SLC71A2: variants seen among roughly 807,000 people sequenced by gnomAD.
SLC71A2 encodes the protein hippocampus abundant transcript-like 1.
At chr9:94,383,887 C>A in the SLC71A2 span, among the ~76,000 whole-genome samples, 1 of 151,752 alleles carries the variant, frequency 6.6e-6, no homozygotes, top group Non-Finnish European at 1.5e-5. Context: ...TATTTCTTGA[C>A]GTTATTGTAA....
chr9:94,439,678 T>G, the SLC71A2 span, among the ~76,000 whole-genome samples: 1 of 152,170 alleles, frequency 6.6e-6, no homozygotes, highest in African/African-American at 2.4e-5. Context: ...AAGAATTTTT[T>G]GGTATTGAGT....
chr9:94,459,765 G>C, the SLC71A2 span: 1 of 212,758 alleles, frequency 4.7e-6, no homozygotes, highest in Non-Finnish European at 9.6e-6. Flanking sequence ...ATCTTTCCAT[G>C]CCCTTTTCAG....
At chr9:94,375,030 T>C in the SLC71A2 span, 1 of 727,568 alleles carries the variant, frequency 1.4e-6, no homozygotes, top group Non-Finnish European at 1.8e-6. Flanking sequence ...GCTTCGGCTC[T>C]TGGAAAGTCG....
chr9:94,450,390 G>T, the SLC71A2 span, among the ~76,000 whole-genome samples: 1 of 151,942 alleles, frequency 6.6e-6, no homozygotes, highest in Non-Finnish European at 1.5e-5. Flanking sequence ...TGTGTCCCTG[G>T]AAGCAAGACA....
the SLC71A2 span, among the ~76,000 whole-genome samples, chr9:94,445,404 C>T: frequency 6.6e-6 from 1 of 151,962 alleles, no homozygotes; most frequent in Admixed American, 6.6e-5. Context: ...GAGAAAATGT[C>T]TAGTTAATTC....
At chr9:94,387,199 T>A in the SLC71A2 span, among the ~76,000 whole-genome samples, 1 of 152,126 alleles carries the variant, frequency 6.6e-6, no homozygotes. Context: ...ATGTATGATG[T>A]AAAAAAGTTT....
At chr9:94,405,760 G>A in the SLC71A2 span, among the ~76,000 whole-genome samples, 18 of 151,978 alleles carry the variant, frequency 1.2e-4, no homozygotes, top group African/African-American at 3.6e-4. Context: ...TTTCAAGATT[G>A]TTTTGGCTTT....
the SLC71A2 span, among the ~76,000 whole-genome samples, chr9:94,400,014 T>C: frequency 4.6e-5 from 7 of 152,058 alleles, no homozygotes; most frequent in African/African-American, 1.7e-4. Context: ...TTTCCCCATG[T>C]TGGCCAGGCT....
chr9:94,379,403 T>A, the SLC71A2 span, among the ~76,000 whole-genome samples: 18 of 125,874 alleles, frequency 1.4e-4, no homozygotes, highest in Admixed American at 3.1e-4. Flanking sequence ...TTTTTTTTTT[T>A]AAGAGGTGAG....
the SLC71A2 span, chr9:94,441,136 T>C: frequency 1.0e-5 from 12 of 1,168,652 alleles, no homozygotes; most frequent in African/African-American, 1.6e-5. Context: ...TTAACCAGAA[T>C]AGTAATTAAC....
the SLC71A2 span, among the ~76,000 whole-genome samples, chr9:94,427,825 A>G: frequency 1.4e-5 from 2 of 145,824 alleles, no homozygotes; most frequent in Admixed American, 1.4e-4. Context: ...ACAATGGGTT[A>G]ATAATGGACA....
chr9:94,421,931 C>T, the SLC71A2 span, among the ~76,000 whole-genome samples: 2 of 150,966 alleles, frequency 1.3e-5, no homozygotes, highest in African/African-American at 5.0e-5. Context: ...TCTTTTCCTC[C>T]GAGACAGAGC....
chr9:94,458,691 T>C, the SLC71A2 span, among the ~76,000 whole-genome samples: 1 of 152,236 alleles, frequency 6.6e-6, no homozygotes, highest in Admixed American at 6.5e-5. Context: ...TGTTTTCACC[T>C]ACACAATCAC....
the SLC71A2 span, chr9:94,459,393 A>C: frequency 1.9e-6 from 3 of 1,613,770 alleles, no homozygotes; most frequent in African/African-American, 4.0e-5. Context: ...GAGCCTGGGA[A>C]TCAGTGCACT....
the SLC71A2 span, chr9:94,460,647 T>C: frequency 2.0e-5 from 3 of 151,626 alleles, no homozygotes; most frequent in Admixed American, 2.0e-4. Context: ...GTTTTATAGG[T>C]ATGAAATATA....
chr9:94,382,688 C>G, the SLC71A2 span, among the ~76,000 whole-genome samples: 5 of 151,702 alleles, frequency 3.3e-5, no homozygotes, highest in East Asian at 9.7e-4. Context: ...GACGGAGTCT[C>G]TTTCTTTGTC....
chr9:94,374,825 C>T, the SLC71A2 span: 34 of 768,908 alleles, frequency 4.4e-5, no homozygotes, highest in Non-Finnish European at 1.7e-6. Context: ...GCGGCATGAG[C>T]GTGGAGCCGC....
At chr9:94,400,444 A>G in the SLC71A2 span, among the ~76,000 whole-genome samples, 2 of 151,838 alleles carry the variant, frequency 1.3e-5, no homozygotes, top group South Asian at 4.2e-4. Flanking sequence ...CTGTACATAT[A>G]ATTTCTATGG....
the SLC71A2 span, among the ~76,000 whole-genome samples, chr9:94,418,757 C>CTT: frequency 1.8e-4 from 23 of 131,192 alleles, no homozygotes; most frequent in South Asian, 4.7e-4. Flanking sequence ...TCCTTTAATT[C>CTT]TTTTTTTTTT....
Sources: gnomAD v4.1 joint callset for allele counts (sites outside exome capture counted in the v4.1 genomes callset) on GRCh38, gnomAD v4.1.1 for gene constraint, MANE v1.5 for transcripts, NCBI Gene and HGNC (gene_info 2026-07-23, HGNC 2026-07-21) for gene names.